The following GPR158 variants were observed in gnomAD, a reference collection of about 807,000 sequenced individuals.
GPR158 encodes the protein G protein-coupled receptor 158, also known as metabotropic glycine receptor.
A neutral mutation model predicts 78.2 loss-of-function variants in GPR158; 30 were observed. The ratio of observed to expected loss-of-function variants is 0.38; its 90% CI spans 0.29 to 0.52. The LOEUF (loss-of-function observed/expected upper bound fraction) is 0.52, where lower values mean the gene tolerates loss of function less well. Ranked by LOEUF, GPR158 falls within the 20% of genes least tolerant of loss-of-function variation. The probability of loss-of-function intolerance (pLI) is 0.83; values close to 1 mark genes in which losing one functional copy is unlikely to be tolerated. For synonymous variants in GPR158, 581 were observed against 591.1 expected (o/e 0.98, Z 0.25); for missense variants, 1,463 against 1,523.5 (o/e 0.96, Z 0.66).
intron 4 of GPR158, among the ~76,000 whole-genome samples, chr10:25,441,203 C>T (rs927414998): frequency 6.6e-6 from 1 of 152,142 alleles, no homozygotes; most frequent in Admixed American, 6.6e-5. Context: ...CCTATTAACT[C>T]TTCTTATTAA....
chr10:25,385,197 T>A lies in GPR158; in HGVS notation c.1009-10714T>A, dbSNP rs1588838604. The stretch of plus-strand genomic sequence containing the variant: ...GAGTTTATCTACTTCAGGTACCACA[T>A]ATAGGTGGTATCATAGAGTATTTGG... On this transcript the variant is annotated intron_variant, in intron 2 of 10. Transcript: ENST00000376351. Among the ~76,000 whole-genome samples, 3 of 152,154 alleles carry A rather than the reference T, an allele frequency of 2.0e-5. No homozygotes were observed. The East Asian group carries it at 5.8e-4, about 29-fold the overall frequency.
intron 2 of GPR158, among the ~76,000 whole-genome samples, chr10:25,249,457 ATAGC>A (rs1482800266): frequency 1.3e-5 from 2 of 151,714 alleles, no homozygotes; most frequent in African/African-American, 2.4e-5. Context: ...TTTGTCATAG[ATAGC>A]TCTTATTATT....
intron 2 of GPR158, among the ~76,000 whole-genome samples, chr10:25,389,638 C>T (rs2130519145): frequency 6.6e-6 from 1 of 152,280 alleles, no homozygotes; most frequent in East Asian, 1.9e-4. Flanking sequence ...AAAGCTGTAA[C>T]ACAAACAGGG....
intron 4 of GPR158, among the ~76,000 whole-genome samples, chr10:25,452,561 T>C (rs1397643353): frequency 6.6e-6 from 1 of 152,184 alleles, no homozygotes; most frequent in African/African-American, 2.4e-5. Flanking sequence ...ATACAAACTT[T>C]TGCTTCAATC....
intron 4 of GPR158, among the ~76,000 whole-genome samples, chr10:25,421,759 G>A (rs982058381): frequency 2.0e-5 from 3 of 151,982 alleles, no homozygotes; most frequent in Non-Finnish European, 4.4e-5. Flanking sequence ...AATGGAATAT[G>A]AATAAAAAAT....
chr10:25,329,165 G>A (rs1026471969), intron 2 of GPR158, among the ~76,000 whole-genome samples: 7 of 151,996 alleles, frequency 4.6e-5, no homozygotes, highest in Non-Finnish European at 5.9e-5. Flanking sequence ...GGCCAGGCGC[G>A]GTGGCTCACG....
chr10:25,598,858 G>C lies in GPR158; in HGVS notation c.3232G>C (p.Gly1078Arg). 1 of 1,614,114 alleles carries C rather than the reference G, an allele frequency of 6.2e-7. No homozygotes were observed. Among genetic ancestry groups the C allele is most frequent in the Non-Finnish European group, 8.5e-7 (1 of 1,180,014 alleles). The change falls in exon 11 of 11, where the codon GGC (glycine) becomes CGC (arginine). Residue 1078 changes from glycine to arginine, a missense_variant. By Grantham distance (125) the Gly-to-Arg change is moderately radical. Transcript: ENST00000376351. The part of the protein sequence containing the change: ...KAEVCLWESQ[G>R]QSILEDEKLL... Reference sequence around the variant, plus strand: ...TGAAGTATGCCTTTGGGAGAGCCAAGGCCAGTCCATTTTGGAAGATGAGAA... The same window carrying C: ...TGAAGTATGCCTTTGGGAGAGCCAACGCCAGTCCATTTTGGAAGATGAGAA...
At chr10:25,586,834 T>A (rs983870425) in intron 7 of GPR158, among the ~76,000 whole-genome samples, 2 of 152,192 alleles carry the variant, frequency 1.3e-5, no homozygotes, top group Non-Finnish European at 2.9e-5. Context: ...GTTACTGTTA[T>A]GAAGAGTGTG....
intron 2 of GPR158, among the ~76,000 whole-genome samples, chr10:25,338,695 T>C (rs1469675925): frequency 6.7e-6 from 1 of 149,858 alleles, no homozygotes; most frequent in African/African-American, 2.4e-5. Flanking sequence ...AGTCTGTAAT[T>C]CTGTAAATTC....
chr10:25,579,111 A>G (rs558617232), intron 7 of GPR158, among the ~76,000 whole-genome samples: 1 of 152,108 alleles, frequency 6.6e-6, no homozygotes, highest in African/African-American at 2.4e-5. Flanking sequence ...TGTCATACTC[A>G]TTTTGGAAAC....
intron 2 of GPR158, among the ~76,000 whole-genome samples, chr10:25,272,498 C>T (rs1279504447): frequency 6.6e-6 from 1 of 152,140 alleles, no homozygotes; most frequent in Non-Finnish European, 1.5e-5. Flanking sequence ...TTTCACAAGA[C>T]CCCACCTCTT....
At chr10:25,205,113 A>G (rs1853004368) in intron 1 of GPR158, among the ~76,000 whole-genome samples, 1 of 151,948 alleles carries the variant, frequency 6.6e-6, no homozygotes, top group Non-Finnish European at 1.5e-5. Context: ...TTCATCTTCC[A>G]CTATGATTGT....
chr10:25,598,744 C>T lies in GPR158; in HGVS notation c.3118C>T (p.Pro1040Ser). The T allele has an allele frequency of 6.2e-7, 1 of 1,613,972 alleles. No individual in the cohort carries two copies. Among genetic ancestry groups the T allele is most frequent in the African/African-American group, 1.3e-5 (1 of 74,968 alleles). The change falls in exon 11 of 11, where the codon CCC (proline) becomes TCC (serine). Residue 1040 changes from proline (P) to serine (S), a missense_variant. Physicochemically the swap from Pro to Ser is moderately conservative, Grantham distance 74 (BLOSUM62 -1). Transcript: ENST00000376351. Reference protein sequence around the residue: ...SIVASEMEKNPTFSLKEKSHH... With the variant: ...SIVASEMEKNSTFSLKEKSHH... ...TGTGGCTTCTGAAATGGAGAAAAAC[C>T]CCACTTTTTCCTTAAAGGAGAAATC...
chr10:25,312,168 C>T (rs1854773796), intron 2 of GPR158, among the ~76,000 whole-genome samples: 1 of 151,908 alleles, frequency 6.6e-6, no homozygotes, highest in Non-Finnish European at 1.5e-5. Flanking sequence ...TATTTCCGAT[C>T]TGAAACCATT....
intron 2 of GPR158, among the ~76,000 whole-genome samples, chr10:25,320,665 T>C (rs970193787): frequency 2.6e-5 from 4 of 152,242 alleles, no homozygotes; most frequent in Non-Finnish European, 5.9e-5. Flanking sequence ...TTGCTATTTG[T>C]CTCTACATAT....
rs1169244162 is a variant in GPR158, at chr10:25,412,372, G to A, written c.1234G>A (p.Glu412Lys). The change falls in exon 4 of 11, where the codon GAA becomes AAA. Residue 412 changes from glutamate to lysine, a missense_variant. Glu to Lys is a moderately conservative substitution (Grantham distance 56). Transcript: ENST00000376351. Reference protein sequence around the residue: ...CADDSPCFVQEDKYLRLAIIS... With the variant: ...CADDSPCFVQKDKYLRLAIIS... ...TGATGACAGCCCATGCTTCGTCCAG[G>A]AAGATAAGTATTTACGACTTGCCAT... is the stretch of plus-strand genomic sequence containing the variant. 5 of 1,613,964 alleles carry A rather than the reference G, an allele frequency of 3.1e-6. No homozygotes were observed. The South Asian group carries it at 5.5e-5, about 18-fold the overall frequency.
chr10:25,389,685 CAAGAAGGAAAGAATA>C (rs1834268283), intron 2 of GPR158, among the ~76,000 whole-genome samples: 1 of 152,030 alleles, frequency 6.6e-6, no homozygotes, highest in East Asian at 1.9e-4. Context: ...TTGTGGGTGA[CAAGAAGGAAAGAATA>C]GAGAAGGAAA....
intron 5 of GPR158, among the ~76,000 whole-genome samples, chr10:25,490,814 G>A (rs1799000702): frequency 1.3e-5 from 2 of 151,630 alleles, no homozygotes; most frequent in African/African-American, 4.8e-5. Context: ...ACCCAGTAAT[G>A]GGATGGCTGG....
intron 2 of GPR158, among the ~76,000 whole-genome samples, chr10:25,324,941 C>A (rs1023703787): frequency 3.3e-5 from 5 of 149,566 alleles, no homozygotes; most frequent in Non-Finnish European, 7.4e-5. Context: ...TGGGCTCAAG[C>A]AATCCTCCTG....
Sources: allele counts gnomAD v4.1 joint callset (sites outside exome capture counted in the v4.1 genomes callset), GRCh38; gene constraint gnomAD v4.1.1; transcripts MANE v1.5; gene names NCBI Gene and HGNC (gene_info 2026-07-23, HGNC 2026-07-21).